The following QTMAN variants were observed in gnomAD, a reference collection of about 807,000 sequenced individuals.
QTMAN encodes the protein tRNA-queuosine alpha-mannosyltransferase.
chr2:144,057,124 A>C, the QTMAN span, among the ~76,000 whole-genome samples: 1 of 152,356 alleles, frequency 6.6e-6, no homozygotes, highest in Non-Finnish European at 1.5e-5. Context: ...AAGGTGGCCA[A>C]GACGTTGAAC....
chr2:144,074,143 C>A, the QTMAN span, among the ~76,000 whole-genome samples: 5 of 152,078 alleles, frequency 3.3e-5, no homozygotes, highest in East Asian at 9.6e-4. Flanking sequence ...TCTCTTATTT[C>A]AATGTAAATA....
chr2:144,029,635 C>A, the QTMAN span, among the ~76,000 whole-genome samples: 2 of 151,996 alleles, frequency 1.3e-5, no homozygotes, highest in Non-Finnish European at 2.9e-5. Flanking sequence ...TGAGAACCAG[C>A]TTTAAAAAAA....
At chr2:144,007,534 ATCTGTT>A in the QTMAN span, 3 of 1,546,506 alleles carry the variant, frequency 1.9e-6, no homozygotes, top group Admixed American at 4.2e-5. Context: ...TTGGGCATGA[ATCTGTT>A]ACAAAAAAAG....
At chr2:144,283,695 T>C in the QTMAN span, among the ~76,000 whole-genome samples, 9 of 152,070 alleles carry the variant, frequency 5.9e-5, no homozygotes, top group South Asian at 1.0e-3. Context: ...TACTTGAAGT[T>C]TGACAAACAT....
At chr2:144,208,529 C>A in the QTMAN span, 1 of 1,237,816 alleles carries the variant, frequency 8.1e-7, no homozygotes, top group Non-Finnish European at 1.1e-6. Flanking sequence ...CTCAAAGATA[C>A]TGATGGAGAA....
At chr2:144,000,516 A>T in the QTMAN span, among the ~76,000 whole-genome samples, 1 of 152,056 alleles carries the variant, frequency 6.6e-6, no homozygotes, top group Non-Finnish European at 1.5e-5. Context: ...ATTGATGGAT[A>T]AACACAGAAC....
the QTMAN span, among the ~76,000 whole-genome samples, chr2:144,189,574 A>G: frequency 1.3e-4 from 20 of 152,162 alleles, no homozygotes; most frequent in East Asian, 2.7e-3. Context: ...ACAGGACATT[A>G]TAAGTATGTT....
At chr2:143,949,900 C>T in the QTMAN span, among the ~76,000 whole-genome samples, 2 of 151,724 alleles carry the variant, frequency 1.3e-5, no homozygotes, top group Middle Eastern at 3.4e-3. Flanking sequence ...TGTGGTCCTT[C>T]CTGTGCTTTT....
chr2:143,994,905 A>G, the QTMAN span, among the ~76,000 whole-genome samples: 1 of 152,208 alleles, frequency 6.6e-6, no homozygotes, highest in Non-Finnish European at 1.5e-5. Flanking sequence ...TACCCCATTA[A>G]AGCTGTTTTT....
chr2:144,176,586 C>A, the QTMAN span, among the ~76,000 whole-genome samples: 1 of 152,142 alleles, frequency 6.6e-6, no homozygotes, highest in East Asian at 1.9e-4. Context: ...GAAAGCTCAA[C>A]ACCATCATCC....
At chr2:144,202,351 T>C in the QTMAN span, among the ~76,000 whole-genome samples, 1 of 152,188 alleles carries the variant, frequency 6.6e-6, no homozygotes, top group Non-Finnish European at 1.5e-5. Flanking sequence ...AGAAAATCTT[T>C]CTCCTATAAA....
chr2:144,302,962 C>T, the QTMAN span, among the ~76,000 whole-genome samples: 4 of 152,090 alleles, frequency 2.6e-5, no homozygotes, highest in Non-Finnish European at 5.9e-5. Flanking sequence ...ATTAGCCAGG[C>T]ATGGTTGTGC....
chr2:144,142,206 G>A, the QTMAN span: 1 of 511,262 alleles, frequency 2.0e-6, no homozygotes, highest in Non-Finnish European at 3.5e-6. Context: ...CTACCAAAAT[G>A]TCTCTAAGAG....
At chr2:143,963,564 G>A in the QTMAN span, among the ~76,000 whole-genome samples, 1 of 151,652 alleles carries the variant, frequency 6.6e-6, no homozygotes, top group Non-Finnish European at 1.5e-5. Flanking sequence ...AATTTGGTAG[G>A]ACATGTTTTC....
the QTMAN span, among the ~76,000 whole-genome samples, chr2:144,328,071 C>A: frequency 2.0e-5 from 3 of 152,206 alleles, no homozygotes; most frequent in East Asian, 5.8e-4. Context: ...CCTGCCTCAG[C>A]CTCCGAGTAG....
chr2:144,139,090 A>T, the QTMAN span, among the ~76,000 whole-genome samples: 1 of 152,120 alleles, frequency 6.6e-6, no homozygotes, highest in African/African-American at 2.4e-5. Flanking sequence ...AAGAAAGAGA[A>T]AATAGGACAA....
At chr2:144,164,047 C>T in the QTMAN span, among the ~76,000 whole-genome samples, 1 of 152,066 alleles carries the variant, frequency 6.6e-6, no homozygotes, top group East Asian at 1.9e-4. Context: ...CTCAGCCACC[C>T]AAGTAGCTGG....
chr2:143,991,175 C>G, the QTMAN span, among the ~76,000 whole-genome samples: 1 of 151,966 alleles, frequency 6.6e-6, no homozygotes. Context: ...GCGAATGAGG[C>G]AGAGGAAATA....
chr2:144,206,117 G>GC, the QTMAN span, among the ~76,000 whole-genome samples: 4 of 152,078 alleles, frequency 2.6e-5, no homozygotes. Context: ...GCTTATAATA[G>GC]CAACAATACA....
Sources: allele counts gnomAD v4.1 joint callset (sites outside exome capture counted in the v4.1 genomes callset), GRCh38; gene constraint gnomAD v4.1.1; transcripts MANE v1.5; gene names NCBI Gene and HGNC (gene_info 2026-07-23, HGNC 2026-07-21).